CDH18: variants seen among roughly 807,000 people sequenced by gnomAD.
The protein encoded by CDH18 is cadherin 18, also known as cadherin-18.
A neutral mutation model predicts 67.9 loss-of-function variants in CDH18; 31 were observed. The ratio of observed to expected loss-of-function variants is 0.46; its 90% CI spans 0.34 to 0.62. The LOEUF (loss-of-function observed/expected upper bound fraction) is 0.62. Among genes scored for constraint, CDH18 ranks in the 20% least tolerant of loss-of-function variants. CDH18 has a pLI of 0.01. For synonymous variants in CDH18, 362 were observed against 347.2 expected (o/e 1.04, Z -0.48); for missense variants, 890 against 975.5 (o/e 0.91, Z 1.17).
At chr5:19,781,057 C>T (rs1028098494) in intron 3 of CDH18, among the ~76,000 whole-genome samples, 3 of 152,042 alleles carry the variant, frequency 2.0e-5, no homozygotes, top group Admixed American at 6.6e-5. Flanking sequence ...ATCTAATATG[C>T]GTAAGGCCAG....
At chr5:19,663,222 T>C (rs538279350) in intron 5 of CDH18, among the ~76,000 whole-genome samples, 2 of 152,012 alleles carry the variant, frequency 1.3e-5, no homozygotes, top group East Asian at 3.9e-4. Context: ...CACAGGAAAA[T>C]GCTTTAATGA....
At chr5:19,902,607 G>C (rs1459691259) in intron 2 of CDH18, among the ~76,000 whole-genome samples, 2 of 151,678 alleles carry the variant, frequency 1.3e-5, no homozygotes, top group Non-Finnish European at 2.9e-5. Flanking sequence ...AATCTTGTGC[G>C]AGATTTCTCA....
intron 2 of CDH18, among the ~76,000 whole-genome samples, chr5:20,114,145 A>T (rs1747703167): frequency 6.6e-6 from 1 of 152,244 alleles, no homozygotes; most frequent in Non-Finnish European, 1.5e-5. Flanking sequence ...TCATCAATTA[A>T]CTTACTATCT....
At chr5:20,510,639 A>T (rs1444670216) in intron 1 of CDH18, among the ~76,000 whole-genome samples, 1 of 152,202 alleles carries the variant, frequency 6.6e-6, no homozygotes, top group Non-Finnish European at 1.5e-5. Flanking sequence ...ACTCAAGCCC[A>T]TAACAATAGC....
chr5:20,011,562 G>A (rs973899732), intron 2 of CDH18, among the ~76,000 whole-genome samples: 1 of 152,054 alleles, frequency 6.6e-6, no homozygotes. Flanking sequence ...TCCAGCTTTT[G>A]ATTATTCAGG....
chr5:20,552,847 G>C (rs1703044), intron 1 of CDH18, among the ~76,000 whole-genome samples: 109,182 of 151,526 alleles, frequency 0.72, 39,616 homozygotes, highest in East Asian at 0.98. Context: ...CCTCTGCCTC[G>C]CGGTTCAAGC....
intron 5 of CDH18, among the ~76,000 whole-genome samples, chr5:19,679,208 GATC>G (rs1449092770): frequency 6.6e-6 from 1 of 151,932 alleles, no homozygotes; most frequent in East Asian, 1.9e-4. Flanking sequence ...AAAACCACAT[GATC>G]ATCTCAATAG....
At chr5:19,688,306 T>G (rs1761397075) in intron 5 of CDH18, among the ~76,000 whole-genome samples, 1 of 152,138 alleles carries the variant, frequency 6.6e-6, no homozygotes, top group Admixed American at 6.5e-5. Context: ...ACAGTCATGC[T>G]TATCCTATCA....
intron 2 of CDH18, among the ~76,000 whole-genome samples, chr5:20,217,417 T>G (rs1345045405): frequency 6.6e-6 from 1 of 151,808 alleles, no homozygotes. Context: ...GTCTCCTTGT[T>G]TGTTTGTTTA....
chr5:20,495,800 T>C (rs895071390), intron 1 of CDH18, among the ~76,000 whole-genome samples: 1 of 146,492 alleles, frequency 6.8e-6, no homozygotes, highest in Non-Finnish European at 1.6e-5. Flanking sequence ...GTTCTAGAAC[T>C]CAGAAAATAA....
chr5:20,134,807 G>A (rs1417660416), intron 2 of CDH18, among the ~76,000 whole-genome samples: 1 of 152,034 alleles, frequency 6.6e-6, no homozygotes, highest in Non-Finnish European at 1.5e-5. Flanking sequence ...TGTCTTTCAG[G>A]TCTTTTAACA....
chr5:20,181,493 T>C (rs1561856557), intron 2 of CDH18, among the ~76,000 whole-genome samples: 1 of 152,042 alleles, frequency 6.6e-6, no homozygotes, highest in Non-Finnish European at 1.5e-5. Context: ...AGGCAACCAC[T>C]CCAGTGAGCC....
At chr5:19,853,438 G>A (rs532223363) in intron 2 of CDH18, among the ~76,000 whole-genome samples, 1 of 152,072 alleles carries the variant, frequency 6.6e-6, no homozygotes, top group Non-Finnish European at 1.5e-5. Context: ...TACATTTGTG[G>A]AAAACACAAA....
chr5:20,443,667 TCTTAG>T (rs1749797581), intron 1 of CDH18, among the ~76,000 whole-genome samples: 1 of 151,884 alleles, frequency 6.6e-6, no homozygotes, highest in South Asian at 2.1e-4. Flanking sequence ...TTATGCCCCT[TCTTAG>T]CTTAGTTTTT....
intron 5 of CDH18, among the ~76,000 whole-genome samples, chr5:19,719,957 G>GA (rs869259013): frequency 1.2e-3 from 179 of 149,510 alleles, no homozygotes; most frequent in African/African-American, 3.8e-3. Context: ...AAGAAAGAAA[G>GA]AAGGAAAGAG....
At chr5:19,666,237 TTTATTATTATTA>T (rs70950082) in intron 5 of CDH18, among the ~76,000 whole-genome samples, 2,324 of 128,134 alleles carry the variant, frequency 0.018, 26 homozygotes, top group Non-Finnish European at 0.023. Flanking sequence ...CTGTATGATT[TTTATTATTATTA>T]TTATTATTAT....
intron 2 of CDH18, among the ~76,000 whole-genome samples, chr5:20,208,179 G>C (rs1443186423): frequency 1.3e-5 from 2 of 152,100 alleles, no homozygotes; most frequent in East Asian, 1.9e-4. Flanking sequence ...CATGGCAGAA[G>C]GTGAAACAGG....
intron 5 of CDH18, among the ~76,000 whole-genome samples, chr5:19,628,547 T>C (rs1049211101): frequency 2.0e-5 from 3 of 151,966 alleles, no homozygotes; most frequent in Non-Finnish European, 2.9e-5. Context: ...CCTGATGTCA[T>C]AGTCATGTGG....
chr5:20,495,001 A>G (rs1753822806), intron 1 of CDH18, among the ~76,000 whole-genome samples: 1 of 152,190 alleles, frequency 6.6e-6, no homozygotes. Context: ...GTGCAACTCC[A>G]CAGTTGAATG....
Sources: gnomAD v4.1 joint callset for allele counts (sites outside exome capture counted in the v4.1 genomes callset) on GRCh38, gnomAD v4.1.1 for gene constraint, MANE v1.5 for transcripts, NCBI Gene and HGNC (gene_info 2026-07-23, HGNC 2026-07-21) for gene names.